Variants in ANO4 observed in about 807,000 individuals in gnomAD.
ANO4 encodes the protein anoctamin-4.
A neutral mutation model predicts 141.9 loss-of-function variants in ANO4; 69 were observed. The observed-to-expected ratio is 0.49, with a 90% CI of 0.40 to 0.59. The LOEUF (loss-of-function observed/expected upper bound fraction) is 0.59. Among genes scored for constraint, ANO4 ranks in the 20% least tolerant of loss-of-function variants. ANO4 has a pLI of 0.00. For missense variants in ANO4, 894 were observed against 1,162.2 expected, an observed-to-expected ratio of 0.77 and a Z score of 3.36; for synonymous variants, 350 against 394.3, an observed-to-expected ratio of 0.89 and a Z score of 1.33.
intron 1 of ANO4, among the ~76,000 whole-genome samples, chr12:100,835,027 G>T (rs1198503431): frequency 6.6e-6 from 1 of 152,112 alleles, no homozygotes; most frequent in Admixed American, 6.6e-5. Context: ...CCATAGATGC[G>T]ACACATGAAC....
intron 1 of ANO4, among the ~76,000 whole-genome samples, chr12:100,732,903 C>T (rs930383460): frequency 1.3e-5 from 2 of 152,146 alleles, no homozygotes; most frequent in African/African-American, 2.4e-5. Context: ...TCTTTTGCCC[C>T]CCTCTGCCTA....
rs1183572025 is a variant in ANO4, at chr12:100,948,751, T to C, written c.456+6216T>C. 3.3e-5 allele frequency among the ~76,000 whole-genome samples: 5 copies of C among 152,364 alleles called. No individual in the cohort carries two copies. The East Asian group carries it at 9.6e-4, about 29-fold the overall frequency. On this transcript the variant is annotated intron_variant, in intron 5 of 27. Transcript: ENST00000392977. ...TGTGGTGGACAGACTCTAAAGTCTG[T>C]GATGCCTGCTTCCTTTTCACACCTT...
rs757229237 is a variant in ANO4 at position 100,987,611 on chromosome 12, G to T, written c.675G>T (p.Leu225=). 6.2e-7 allele frequency: 1 copy of T among 1,614,094 alleles called. No individual in the cohort carries two copies. Among genetic ancestry groups the T allele is most frequent in the South Asian group, 1.1e-5 (1 of 91,084 alleles). Residue 225 remains leucine, a synonymous_variant, in exon 8 of 28, where the codon CTG becomes CTT. Coordinates refer to ENST00000392977, the MANE Select transcript of ANO4 (RefSeq NM_001286615.2). ...KKPMRLDKET[L]PDLEENDCYT... ...CAATGAGGCTGGACAAGGAGACACT[G>T]CCAGACCTGGAGGAGAATGACTGCT... is the stretch of plus-strand genomic sequence containing the variant.
intron 7 of ANO4, among the ~76,000 whole-genome samples, chr12:100,977,311 GT>G (rs1334938660): frequency 6.6e-6 from 1 of 152,058 alleles, no homozygotes; most frequent in African/African-American, 2.4e-5. Context: ...ACTGTTCTGA[GT>G]TTATCTGCCA....
rs78992523 is a variant in ANO4 at position 101,092,714 on chromosome 12, T to C, written c.1702-1542T>C. Among the ~76,000 whole-genome samples, 1,520 of 152,316 alleles carry C rather than the reference T, an allele frequency of 1.0e-2. 25 individuals carry two copies. The highest frequency in any genetic ancestry group is 0.035 in the African/African-American group (1,451 of 41,568). Reference sequence around the variant, plus strand: ...AATATTACTCATATGTTGACTCTTATGTTGTTCCTTTTTTTAAAATTACAA... The same window carrying C: ...AATATTACTCATATGTTGACTCTTACGTTGTTCCTTTTTTTAAAATTACAA... On this transcript the variant is annotated intron_variant, in intron 17 of 27. Coordinates refer to ENST00000392977, the MANE Select transcript of ANO4 (RefSeq NM_001286615.2).
chr12:100,774,567 A>G (rs2033416865), intron 3 of ANO4, among the ~76,000 whole-genome samples: 1 of 152,244 alleles, frequency 6.6e-6, no homozygotes, highest in South Asian at 2.1e-4. Flanking sequence ...AAGACCTAGA[A>G]GGAAATAGAG....
At chr12:100,924,435 T>G (rs948378356) in intron 3 of ANO4, among the ~76,000 whole-genome samples, 6 of 152,126 alleles carry the variant, frequency 3.9e-5, no homozygotes, top group Non-Finnish European at 8.8e-5. Context: ...CTTCATTTAA[T>G]TCCTTCATGA....
At chr12:100,871,408 C>T (rs1268825508) in intron 1 of ANO4, among the ~76,000 whole-genome samples, 1 of 152,230 alleles carries the variant, frequency 6.6e-6, no homozygotes, top group Non-Finnish European at 1.5e-5. Context: ...AAGTCAGCTT[C>T]TCTGCACAGT....
intron 1 of ANO4, among the ~76,000 whole-genome samples, chr12:100,817,094 G>A (rs1266616686): frequency 6.6e-6 from 1 of 151,872 alleles, no homozygotes; most frequent in Non-Finnish European, 1.5e-5. Context: ...TTGTAGGAAT[G>A]TGGGAAGATA....
intron 1 of ANO4, among the ~76,000 whole-genome samples, chr12:100,806,016 G>A (rs893025234): frequency 1.3e-5 from 2 of 152,128 alleles, no homozygotes; most frequent in African/African-American, 4.8e-5. Context: ...CTTTTTCTCT[G>A]TTGCCATTCG....
chr12:100,858,028 G>T (rs2038273982), intron 1 of ANO4, among the ~76,000 whole-genome samples: 2 of 152,150 alleles, frequency 1.3e-5, no homozygotes, highest in African/African-American at 4.8e-5. Context: ...GGTGATAGGA[G>T]AATTTGATAT....
chr12:100,973,866 C>T (rs1358264393), intron 6 of ANO4, among the ~76,000 whole-genome samples: 1 of 152,168 alleles, frequency 6.6e-6, no homozygotes, highest in Non-Finnish European at 1.5e-5. Flanking sequence ...TCCTTCTCCC[C>T]CGACCTGTAC....
chr12:100,994,509 T>G (rs1409937878), intron 8 of ANO4, among the ~76,000 whole-genome samples: 6 of 152,198 alleles, frequency 3.9e-5, no homozygotes, highest in Admixed American at 2.0e-4. Flanking sequence ...TACAGGACAT[T>G]CTTTCAGGAA....
upstream of ANO4, among the ~76,000 whole-genome samples, chr12:100,790,978 G>C (rs1433740564): frequency 6.6e-6 from 1 of 152,180 alleles, no homozygotes; most frequent in African/African-American, 2.4e-5. Flanking sequence ...TTAGAATTTA[G>C]TGAGGGACCA....
chr12:101,080,186 A>C (rs1454529201), intron 15 of ANO4, among the ~76,000 whole-genome samples: 2 of 152,234 alleles, frequency 1.3e-5, no homozygotes, highest in East Asian at 3.9e-4. Flanking sequence ...CATGTATAAA[A>C]AAGAATCTTT....
At chr12:100,865,247 A>G (rs1206463237) in intron 1 of ANO4, among the ~76,000 whole-genome samples, 3 of 152,194 alleles carry the variant, frequency 2.0e-5, no homozygotes, top group Non-Finnish European at 2.9e-5. Flanking sequence ...CACTCCTGCC[A>G]ACAGTGTAAA....
chr12:101,080,133 A>G (rs2049187079), intron 15 of ANO4, among the ~76,000 whole-genome samples: 1 of 152,224 alleles, frequency 6.6e-6, no homozygotes, highest in Non-Finnish European at 1.5e-5. Flanking sequence ...GATCATGGCT[A>G]TTAATATGTG....
chr12:100,799,961 A>G (rs1481121303), intron 1 of ANO4, among the ~76,000 whole-genome samples: 1 of 152,040 alleles, frequency 6.6e-6, no homozygotes. Context: ...ATTGTTCACA[A>G]ATCTGCTTTG....
chr12:101,106,573 G>GTGTATATA lies in ANO4; in HGVS notation c.2150-3830_2150-3829insGTATATAT, dbSNP rs1555303963. The stretch of plus-strand genomic sequence containing the variant: ...TATGGATATTCATGTGTGTGTGTGT[G>GTGTATATA]TATATATATATATATATATATAAAT... On this transcript the variant is annotated intron_variant, in intron 22 of 27. Coordinates refer to ENST00000392977, the MANE Select transcript of ANO4 (RefSeq NM_001286615.2). Among the ~76,000 whole-genome samples the GTGTATATA allele has an allele frequency of 7.3e-3, 1,007 of 138,578 alleles. 15 individuals carry two copies. The highest frequency in any genetic ancestry group is 0.025 in the African/African-American group (946 of 38,502). 90.9% of individuals were successfully genotyped at this position (138,578 alleles called of 152,430 possible). A position where few individuals can be genotyped will look rare whatever the true frequency, so the allele number is the denominator to read the frequency against.
Sources: allele counts gnomAD v4.1 joint callset (sites outside exome capture counted in the v4.1 genomes callset), GRCh38; gene constraint gnomAD v4.1.1; transcripts MANE v1.5; gene names NCBI Gene and HGNC (gene_info 2026-07-23, HGNC 2026-07-21).